The following RFX5 variants were observed in gnomAD, a reference collection of about 807,000 sequenced individuals.
RFX5 encodes the protein DNA-binding protein RFX5.
In RFX5, 30 loss-of-function variants were observed where a neutral mutation model predicts 41.2. The observed-to-expected ratio is 0.73, with a 90% CI of 0.54 to 0.99. The LOEUF (loss-of-function observed/expected upper bound fraction) is 0.99, where lower values mean the gene tolerates loss of function less well. Ranked by LOEUF, RFX5 falls within the 50% of genes least tolerant of loss-of-function variation. RFX5 has a pLI of 0.00. For synonymous variants in RFX5, 231 were observed against 291.8 expected (o/e 0.79, Z 2.12); for missense variants, 715 against 773.6 (o/e 0.92, Z 0.90).
Position 151,342,107 on chromosome 1 carries a change from T to G in RFX5, c.*79A>C. On this transcript the variant is annotated 3_prime_UTR_variant, in exon 11 of 11. Transcript: ENST00000452671. ...CTTCCTTAGGAAAAGAATAGCCAAA[T>G]GAGAAGCAAGTGCAAAGAAGGGCCT... is the stretch of plus-strand genomic sequence containing the variant. The G allele has an allele frequency of 1.9e-6, 3 of 1,596,658 alleles. No individual in the cohort carries two copies. Among genetic ancestry groups the G allele is most frequent in the Non-Finnish European group, 2.6e-6 (3 of 1,164,608 alleles).
chr1:151,343,996 G>A, intron 8 of RFX5, 114 bp from the exon 9 acceptor site: 1 of 1,209,894 alleles, frequency 8.3e-7, no homozygotes, highest in East Asian at 2.5e-5. Flanking sequence ...GGGGATGGGA[G>A]TAGCCTCTAC....
chr1:151,343,283 G>A (rs1650668986), intron 10 of RFX5, 59 bp downstream of exon 10: 4 of 1,607,470 alleles, frequency 2.5e-6, no homozygotes, highest in South Asian at 2.2e-5. Flanking sequence ...CCCAATTGGA[G>A]AAGGATATAC....
rs137968641 is a variant in RFX5, at chr1:151,342,468, C to T, written c.1569G>A (p.Glu523=). The T allele has an allele frequency of 3.4e-4, 554 of 1,614,118 alleles. 6 individuals are homozygous for T. In the East Asian group the frequency reaches 0.012, roughly 35 times the overall value. The part of the protein sequence containing the change: ...GGAERPGPMG[E]AEKGAVLAQG... ...GGGCAAGTACTGCCCCCTTTTCAGC[C>T]TCTCCCATTGGCCCTGGCCTCTCTG... The change falls in exon 11 of 11, where the codon GAG becomes GAA. Residue 523 remains glutamate, a synonymous_variant. Coordinates refer to ENST00000452671, the MANE Select transcript of RFX5 (RefSeq NM_001025603.2).
In RFX5 at chr1:151,342,746, T is replaced by C; in HGVS notation, c.1291A>G (p.Lys431Glu). Residue 431 changes from lysine to glutamate, a missense_variant, in exon 11 of 11, where the codon AAG becomes GAG. Lys to Glu is a moderately conservative substitution (Grantham distance 56). Transcript: ENST00000452671. ...CTCACAGGTACTTCAGCTGTCCTCT[T>C]GACACCCTTGTCATGTGGTCCTTGG... Reference protein sequence around the residue: ...GDQGPHDKGVKRTAEVPVSEA... With the variant: ...GDQGPHDKGVERTAEVPVSEA... 1.2e-6 allele frequency: 2 copies of C among 1,614,194 alleles called. No individual in the cohort carries two copies. The highest frequency in any genetic ancestry group is 1.7e-6 in the Non-Finnish European group (2 of 1,180,014).
At position 151,342,306 on chromosome 1, in the gene RFX5, A is replaced by C. The variant is rs1336671677; in HGVS notation, c.1731T>G (p.Ala577=). Residue 577 remains alanine (A), a synonymous_variant, in exon 11 of 11, where the codon GCT becomes GCG. Transcript: ENST00000452671. ...CTACCTCTCCCTTTGCCAAAGGAAA[A>C]GCCTCCTTTTGGCTTCTGCTGCCCT... is the stretch of plus-strand genomic sequence containing the variant. ...VIKGSRSQKE[A]FPLAKGEVDT... 1 of 1,614,114 alleles carries C rather than the reference A, an allele frequency of 6.2e-7. No homozygotes were observed.
Position 151,342,604 on chromosome 1 carries a change from T to G in RFX5, c.1433A>C (p.Glu478Ala). The G allele has an allele frequency of 6.2e-7, 1 of 1,614,188 alleles. No individual in the cohort carries two copies. The highest frequency in any genetic ancestry group is 2.2e-5 in the East Asian group (1 of 44,888). ...TGACTTGAGAGGGGTAGAATTCCTT[T>G]CCCCACTTCCACCTGACTTTTTTCG... is the stretch of plus-strand genomic sequence containing the variant. The part of the protein sequence containing the change: ...RPRKKSGGSG[E>A]RNSTPLKSAA... The change falls in exon 11 of 11, where the codon GAA becomes GCA. Residue 478 changes from glutamate (E) to alanine (A), a missense_variant. By Grantham distance (107) the Glu-to-Ala change is moderately radical. Coordinates refer to ENST00000452671, the MANE Select transcript of RFX5 (RefSeq NM_001025603.2).
intron 4 of RFX5, 25 bp from the exon 5 acceptor site, chr1:151,345,213 G>A: frequency 6.3e-7 from 1 of 1,594,278 alleles, no homozygotes; most frequent in East Asian, 2.2e-5. Flanking sequence ...AACAGAGGCA[G>A]GAGAAATAAT....
rs1571257755 is a variant in RFX5, at chr1:151,343,014, A to AATT, written c.1020_1022dup (p.Ile341dup). 3 of 1,613,762 alleles carry AATT rather than the reference A, an allele frequency of 1.9e-6. No homozygotes were observed. The highest frequency in any genetic ancestry group is 1.7e-6 in the Non-Finnish European group (2 of 1,179,834). ...TAGGTGGAGAGACTGGGATTGGCGG[A>AATT]ATTAGTGAGCGAGGGGCCCGGGGAA... On this transcript the variant is annotated inframe_insertion, in exon 11 of 11. Coordinates refer to ENST00000452671, the MANE Select transcript of RFX5 (RefSeq NM_001025603.2).
intron 6 of RFX5, 25 bp downstream of exon 6, chr1:151,344,703 T>TCCCCCCCCCCCCCC: frequency 6.6e-7 from 1 of 1,515,664 alleles, no homozygotes; most frequent in Non-Finnish European, 8.9e-7. Flanking sequence ...AATCCACTCA[T>TCCCCCCCCCCCCCC]CCCACCACCC....
chr1:151,342,730 A>G lies in RFX5; in HGVS notation c.1307T>C (p.Val436Ala). 6.2e-7 allele frequency: 1 copy of G among 1,614,158 alleles called. No homozygotes were observed. The highest frequency in any genetic ancestry group is 8.5e-7 in the Non-Finnish European group (1 of 1,180,024). Residue 436 changes from valine to alanine, a missense_variant, in exon 11 of 11, where the codon GTA (valine) becomes GCA (alanine). By Grantham distance (64) the Val-to-Ala change is moderately conservative. Transcript: ENST00000452671. ...CTGCCCACTGGCCTCACTCACAGGT[A>G]CTTCAGCTGTCCTCTTGACACCCTT... ...HDKGVKRTAE[V>A]PVSEASGQAP...
In RFX5 at chr1:151,344,736, A is replaced by G. The variant is rs531565556; in HGVS notation, c.345T>C (p.Asp115=). 6.4e-6 allele frequency: 7 copies of G among 1,100,116 alleles called. No homozygotes were observed. The East Asian group carries it at 3.0e-4, about 48-fold the overall frequency. 68.1% of individuals were successfully genotyped at this position (1,100,116 alleles called of 1,614,324 possible). ...CCCACCCCTCCACCCACCGATAGGC[A>G]TCATAAACACTTTGCTTTGGCAGAC... ...DTCLPKQSVY[D]AYRKYCESLA... The change falls in exon 6 of 11, where the codon GAT becomes GAC. Residue 115 remains aspartate (D), a synonymous_variant. Transcript: ENST00000452671.
In RFX5 at chr1:151,342,849, A is replaced by C. The variant is rs1650598070; in HGVS notation, c.1188T>G (p.Pro396=). The change falls in exon 11 of 11, where the codon CCT becomes CCG. Residue 396 remains proline, a synonymous_variant. Transcript: ENST00000452671. ...CCCCAGGTGGAGCTCGCCCAGGCCC[A>C]GGTCCAGGTCCAGGCAAAGCAGGAA... ...PTVPALPGPG[P]GPGRAPPGGL... is the part of the protein sequence containing the mutation. The C allele has an allele frequency of 6.8e-6, 11 of 1,614,126 alleles. No homozygotes were observed. Among genetic ancestry groups the C allele is most frequent in the Non-Finnish European group, 9.3e-6 (11 of 1,179,986 alleles).
At position 151,344,188 on chromosome 1, in the gene RFX5, G is replaced by A. The variant is rs373597537; in HGVS notation, c.555+9C>T. 1 of 1,613,356 alleles carries A rather than the reference G, an allele frequency of 6.2e-7. No homozygotes were observed. The highest frequency in any genetic ancestry group is 8.5e-7 in the Non-Finnish European group (1 of 1,179,392). ...GAAGAGTGGAATTGGAAGGTGATTT[G>A]GTACTTACACTCTCAGAACCCTTTA... On this transcript the variant is annotated intron_variant, in intron 8 of 10. Coordinates refer to ENST00000452671, the MANE Select transcript of RFX5 (RefSeq NM_001025603.2).
chr1:151,343,536 C>T, intron 9 of RFX5, 94 bp from the exon 10 acceptor site: 1 of 1,428,982 alleles, frequency 7.0e-7, no homozygotes, highest in Non-Finnish European at 9.8e-7. Flanking sequence ...CTGGTAGAGA[C>T]AGGAAATGGG....
chr1:151,341,619 G>A lies in RFX5; in HGVS notation c.*567C>T, dbSNP rs1650452068. ...CTTTTGCTGAGATTTCTGGTACAAA[G>A]ATGCCTTCTTTTTCTGATTGGACAT... On this transcript the variant is annotated 3_prime_UTR_variant, in exon 11 of 11. Coordinates refer to ENST00000452671, the MANE Select transcript of RFX5 (RefSeq NM_001025603.2). 2 of 234,682 alleles carry A rather than the reference G, an allele frequency of 8.5e-6. No homozygotes were observed. The highest frequency in any genetic ancestry group is 4.7e-5 in the African/African-American group (2 of 42,846). 14.5% of individuals were successfully genotyped at this position (234,682 alleles called of 1,614,324 possible).
chr1:151,345,894 A>G (rs1650999296), intron 4 of RFX5, 34 bp downstream of exon 4: 2 of 1,613,960 alleles, frequency 1.2e-6, no homozygotes, highest in Non-Finnish European at 1.7e-6. Context: ...CAGCATTTCC[A>G]TCCCTCTCTT....
In RFX5 at chr1:151,342,138, A is replaced by G; in HGVS notation, c.*48T>C. On this transcript the variant is annotated 3_prime_UTR_variant, in exon 11 of 11. Coordinates refer to ENST00000452671, the MANE Select transcript of RFX5 (RefSeq NM_001025603.2). ...GCAAGTGCAAAGAAGGGCCTCTACT[A>G]GGCAAAGTTAACGTAGGGATATAAA... 1 of 1,613,792 alleles carries G rather than the reference A, an allele frequency of 6.2e-7. No homozygotes were observed. The highest frequency in any genetic ancestry group is 8.5e-7 in the Non-Finnish European group (1 of 1,179,690).
At chr1:151,346,083 C>T in intron 3 of RFX5, 122 bp from the exon 4 acceptor site, 2 of 1,568,080 alleles carry the variant, frequency 1.3e-6, no homozygotes, top group Non-Finnish European at 1.8e-6. Flanking sequence ...CTACCATGGC[C>T]AAAAATCTCC....
In RFX5 at chr1:151,343,367, T is replaced by A. The variant is rs769764756; in HGVS notation, c.833A>T (p.His278Leu). The change falls in exon 10 of 11, where the codon CAC (histidine) becomes CTC (leucine). Residue 278 changes from histidine (H) to leucine (L), a missense_variant. By Grantham distance (99) the His-to-Leu change is moderately conservative. Coordinates refer to ENST00000452671, the MANE Select transcript of RFX5 (RefSeq NM_001025603.2). ...CTGGGCCAGTCTCTCTGGCTTCTTG[T>A]GGGCTCCACCCTCTGGGTTCTCTAA... The part of the protein sequence containing the change: ...NGLENPEGGA[H>L]KKPERLAQPP... The A allele has an allele frequency of 3.7e-5, 59 of 1,613,378 alleles. 1 individual carries two copies. Among genetic ancestry groups the A allele is most frequent in the Non-Finnish European group, 4.9e-5 (58 of 1,180,018 alleles).
Sources: allele counts gnomAD v4.1 joint callset, GRCh38; gene constraint gnomAD v4.1.1; transcripts MANE v1.5; gene names NCBI Gene and HGNC (gene_info 2026-07-23, HGNC 2026-07-21).